The following CCSER1 variants were observed in gnomAD, a reference collection of about 807,000 sequenced individuals.
CCSER1 encodes serine-rich coiled-coil domain-containing protein 1.
Under a neutral mutation model 82.0 loss-of-function variants are expected in CCSER1, and 41 were observed. That is an observed-to-expected ratio of 0.50 (90% CI 0.39 to 0.65). The LOEUF (loss-of-function observed/expected upper bound fraction) is 0.65. CCSER1 is among the 30% of genes least tolerant of loss of function. The pLI is 0.00. For missense variants in CCSER1, 1,119 were observed against 1,064.2 expected (o/e 1.05, Z -0.72); for synonymous variants, 414 against 383.9 (o/e 1.08, Z -0.92).
At chr4:90,839,060 G>A in intron 8 of CCSER1, 2 of 1,606,170 alleles carry the variant, frequency 1.2e-6, no homozygotes, top group Non-Finnish European at 1.7e-6. Flanking sequence ...AAAGCGGAGC[G>A]AGGCGCGCGA....
At chr4:91,178,711 A>G (rs529287783) in intron 10 of CCSER1, among the ~76,000 whole-genome samples, 1 of 152,004 alleles carries the variant, frequency 6.6e-6, no homozygotes, top group Admixed American at 6.6e-5. Context: ...TCTGCATGTG[A>G]GATGGGTCTC....
chr4:90,417,476 T>G (rs1755991122), intron 4 of CCSER1, among the ~76,000 whole-genome samples: 1 of 151,414 alleles, frequency 6.6e-6, no homozygotes, highest in Non-Finnish European at 1.5e-5. Flanking sequence ...TAAATTAAAT[T>G]AAAAATATAT....
intron 1 of CCSER1, among the ~76,000 whole-genome samples, chr4:90,130,371 A>C (rs115406248): frequency 0.039 from 5,958 of 152,254 alleles, 155 homozygotes; most frequent in South Asian, 0.066. Context: ...ATAACATTTC[A>C]TACTGGATTT....
intron 5 of CCSER1, among the ~76,000 whole-genome samples, chr4:90,580,951 A>G (rs1403973892): frequency 6.6e-6 from 1 of 152,206 alleles, no homozygotes; most frequent in Non-Finnish European, 1.5e-5. Context: ...GTTTTATTTT[A>G]AAAGGGTTAA....
At chr4:91,164,895 A>G (rs186257765) in intron 10 of CCSER1, among the ~76,000 whole-genome samples, 1 of 152,112 alleles carries the variant, frequency 6.6e-6, no homozygotes, top group Non-Finnish European at 1.5e-5. Flanking sequence ...TAGCTCGAAG[A>G]AGTTTGTTAT....
intron 1 of CCSER1, among the ~76,000 whole-genome samples, chr4:90,255,088 G>C (rs189965635): frequency 4.0e-4 from 60 of 151,784 alleles, no homozygotes; most frequent in Middle Eastern, 3.4e-3. Flanking sequence ...TAATTAAAAT[G>C]GTAGTGTTTT....
chr4:91,302,724 T>G (rs532280030), intron 10 of CCSER1, among the ~76,000 whole-genome samples: 1 of 152,064 alleles, frequency 6.6e-6, no homozygotes, highest in South Asian at 2.1e-4. Flanking sequence ...CATCACATCC[T>G]TCCACACTAG....
intron 9 of CCSER1, among the ~76,000 whole-genome samples, chr4:91,026,649 C>T (rs565526800): frequency 2.0e-5 from 3 of 152,040 alleles, no homozygotes; most frequent in South Asian, 2.1e-4. Context: ...TTTCTATACA[C>T]GGGATAGCAA....
At chr4:91,272,350 T>G (rs1742099770) in intron 10 of CCSER1, among the ~76,000 whole-genome samples, 1 of 152,328 alleles carries the variant, frequency 6.6e-6, no homozygotes, top group South Asian at 2.1e-4. Flanking sequence ...CCCTGGTCAT[T>G]AGTGATGAGC....
chr4:90,569,680 G>A (rs1433176206), intron 5 of CCSER1, among the ~76,000 whole-genome samples: 1 of 152,204 alleles, frequency 6.6e-6, no homozygotes, highest in African/African-American at 2.4e-5. Flanking sequence ...AGAAGGTTTT[G>A]CTGCATTGCG....
chr4:91,546,408 T>A (rs1578752744), intron 10 of CCSER1, among the ~76,000 whole-genome samples: 1 of 152,104 alleles, frequency 6.6e-6, no homozygotes, highest in Non-Finnish European at 1.5e-5. Context: ...GAATTTTATT[T>A]ATTATTGATT....
chr4:90,472,374 A>G (rs1374625702), intron 5 of CCSER1, among the ~76,000 whole-genome samples: 1 of 152,004 alleles, frequency 6.6e-6, no homozygotes, highest in Non-Finnish European at 1.5e-5. Context: ...TAAATATTTT[A>G]CTTTTGACTT....
chr4:90,749,938 T>C (rs1748294952), intron 7 of CCSER1, among the ~76,000 whole-genome samples: 1 of 152,010 alleles, frequency 6.6e-6, no homozygotes, highest in South Asian at 2.1e-4. Flanking sequence ...TTTCTCGACA[T>C]CCTCTCCAGC....
intron 10 of CCSER1, among the ~76,000 whole-genome samples, chr4:91,115,860 T>TATATATA (rs1554069623): frequency 1.6e-5 from 2 of 123,892 alleles, no homozygotes; most frequent in African/African-American, 3.1e-5. Flanking sequence ...TATATATATA[T>TATATATA]TTTTTTTTAT....
At chr4:90,757,172 T>C (rs1053257187) in intron 7 of CCSER1, among the ~76,000 whole-genome samples, 3 of 152,232 alleles carry the variant, frequency 2.0e-5, no homozygotes, top group East Asian at 3.8e-4. Flanking sequence ...GAGATCTTCA[T>C]TGGCTTTTGT....
intron 9 of CCSER1, among the ~76,000 whole-genome samples, chr4:90,940,513 A>T (rs1438996115): frequency 2.0e-5 from 3 of 152,148 alleles, no homozygotes; most frequent in Non-Finnish European, 4.4e-5. Flanking sequence ...TGATTACATT[A>T]AAAGTGAAAT....
intron 5 of CCSER1, among the ~76,000 whole-genome samples, chr4:90,549,955 A>G (rs1560702832): frequency 1.3e-5 from 2 of 152,182 alleles, no homozygotes; most frequent in African/African-American, 4.8e-5. Flanking sequence ...AAAGAGTCAA[A>G]AAACAATGCC....
At chr4:90,736,898 G>T (rs1010595462) in intron 7 of CCSER1, among the ~76,000 whole-genome samples, 4 of 151,872 alleles carry the variant, frequency 2.6e-5, no homozygotes, top group African/African-American at 9.7e-5. Flanking sequence ...AGATTTGCAA[G>T]TAACAACTTA....
intron 1 of CCSER1, among the ~76,000 whole-genome samples, chr4:90,156,948 C>G (rs371512619): frequency 2.0e-5 from 3 of 152,136 alleles, no homozygotes; most frequent in Non-Finnish European, 2.9e-5. Context: ...CTCGTTAGTT[C>G]ATGCAGTTTC....
Sources: gnomAD v4.1 joint callset for allele counts (sites outside exome capture counted in the v4.1 genomes callset) on GRCh38, gnomAD v4.1.1 for gene constraint, MANE v1.5 for transcripts, NCBI Gene and HGNC (gene_info 2026-07-23, HGNC 2026-07-21) for gene names.